The following CDH4 variants were observed in gnomAD, a reference collection of about 807,000 sequenced individuals.
CDH4 encodes the protein cadherin 4.
CDH4 carries 33 observed loss-of-function variants against 86.0 expected under a neutral mutation model. The ratio of observed to expected loss-of-function variants is 0.38; its 90% CI spans 0.29 to 0.51. The LOEUF is 0.51. CDH4 is among the 20% of genes least tolerant of loss of function. The pLI is 0.86. For synonymous variants in CDH4, 555 were observed against 549.4 expected (o/e 1.01, Z -0.14); for missense variants, 1,114 against 1,307.4 (o/e 0.85, Z 2.28).
chr20:61,833,896 G>A (rs1356859302), intron 4 of CDH4, among the ~76,000 whole-genome samples: 4 of 152,188 alleles, frequency 2.6e-5, no homozygotes, highest in African/African-American at 9.7e-5. Context: ...GTGAGGAGGC[G>A]CCCCCTCCTC....
At chr20:61,465,604 C>T (rs1305936736) in intron 2 of CDH4, among the ~76,000 whole-genome samples, 1 of 152,114 alleles carries the variant, frequency 6.6e-6, no homozygotes, top group African/African-American at 2.4e-5. Context: ...GGAATTGCAT[C>T]TTGGTGGACA....
chr20:61,574,722 G>C (rs1411643399), intron 2 of CDH4, among the ~76,000 whole-genome samples: 2 of 152,136 alleles, frequency 1.3e-5, no homozygotes, highest in Non-Finnish European at 2.9e-5. Context: ...TCCACAGGTT[G>C]GGGGAGTCAC....
rs1467451507 is a variant in CDH4, at chr20:61,910,455, A to G, written c.1222A>G (p.Thr408Ala). ...AGEVPENRVETVVANLTVMDR... is the reference protein window; with the variant it reads ...AGEVPENRVEAVVANLTVMDR... Reference sequence around the variant, plus strand: ...GGAGGTCCCCGAAAACCGCGTGGAGACCGTGGTCGCAAACCTCACGGTGAT... The same window carrying G: ...GGAGGTCCCCGAAAACCGCGTGGAGGCCGTGGTCGCAAACCTCACGGTGAT... The change falls in exon 9 of 16, where the codon ACC becomes GCC. Residue 408 changes from threonine (T) to alanine (A), a missense_variant. Coordinates refer to ENST00000614565, the MANE Select transcript of CDH4 (RefSeq NM_001794.5). 2 of 1,613,662 alleles carry G rather than the reference A, an allele frequency of 1.2e-6. No individual in the cohort carries two copies. The highest frequency in any genetic ancestry group is 1.7e-6 in the Non-Finnish European group (2 of 1,179,952).
rs755920635 is a variant in CDH4 at position 61,923,540 on chromosome 20, C to T, written c.1464C>T (p.Phe488=). The T allele has an allele frequency of 2.5e-6, 4 of 1,614,214 alleles. No homozygotes were observed. Among genetic ancestry groups the T allele is most frequent in the Non-Finnish European group, 3.4e-6 (4 of 1,180,046 alleles). The change falls in exon 10 of 16, where the codon TTC becomes TTT. Residue 488 remains phenylalanine (F), a synonymous_variant. Coordinates refer to ENST00000614565, the MANE Select transcript of CDH4 (RefSeq NM_001794.5). The stretch of plus-strand genomic sequence containing the variant: ...TGGCCAGCGGAATCCAGATGTCCTT[C>T]CAGTCCACGGCAGGGGTGACCATCT... ...APLASGIQMS[F]QSTAGVTISI... is the part of the protein sequence containing the mutation.
intron 2 of CDH4, among the ~76,000 whole-genome samples, chr20:61,565,297 G>GGT (rs2086278934): frequency 3.4e-5 from 2 of 58,172 alleles, no homozygotes; most frequent in African/African-American, 9.4e-5. Context: ...TGATGGTGGT[G>GGT]GCGGTGCTCT....
At chr20:61,481,582 C>G (rs1305028675) in intron 2 of CDH4, among the ~76,000 whole-genome samples, 2 of 152,230 alleles carry the variant, frequency 1.3e-5, no homozygotes, top group Admixed American at 1.3e-4. Context: ...CAGATACATA[C>G]AGTAAACATT....
At chr20:61,798,635 C>T (rs906493739) in intron 4 of CDH4, among the ~76,000 whole-genome samples, 1 of 152,228 alleles carries the variant, frequency 6.6e-6, no homozygotes, top group African/African-American at 2.4e-5. Context: ...CTCCTGGTGA[C>T]CAGTACTCAT....
chr20:61,843,456 C>CAAAAAAAA (rs869283452), intron 4 of CDH4, among the ~76,000 whole-genome samples: 4 of 58,834 alleles, frequency 6.8e-5, no homozygotes, highest in African/African-American at 1.5e-4. Context: ...GACTCCGTCT[C>CAAAAAAAA]AAAAAAAAAA....
rs901019822 is a variant in CDH4, at chr20:61,517,269, G to A, written c.170-226294G>A. On this transcript the variant is annotated intron_variant, in intron 2 of 15. Coordinates refer to ENST00000614565, the MANE Select transcript of CDH4 (RefSeq NM_001794.5). This position sits in a 1 kb window ranked among gnomAD's most constrained non-coding sequence, Gnocchi z 6.6. ...AGGCAGTGGCGCAGTCACAACCCAC[G>A]GCAGCCGCCAACTCCTGGGCTCAAG... Among the ~76,000 whole-genome samples the A allele has an allele frequency of 6.6e-6, 1 of 152,162 alleles. No individual in the cohort carries two copies. Among genetic ancestry groups the A allele is most frequent in the African/African-American group, 2.4e-5 (1 of 41,434 alleles).
At chr20:61,612,844 G>GCA (rs1162209777) in intron 2 of CDH4, among the ~76,000 whole-genome samples, 1 of 152,108 alleles carries the variant, frequency 6.6e-6, no homozygotes, top group Non-Finnish European at 1.5e-5. Flanking sequence ...GGTAGGGATT[G>GCA]CACACCTCTG....
chr20:61,801,388 C>T (rs1316143520), intron 4 of CDH4, among the ~76,000 whole-genome samples: 1 of 152,188 alleles, frequency 6.6e-6, no homozygotes, highest in Non-Finnish European at 1.5e-5. Context: ...CATGGACCCT[C>T]AGAGTTCTGA....
intron 7 of CDH4, among the ~76,000 whole-genome samples, chr20:61,890,298 G>GTGGA (rs892791720): frequency 2.0e-5 from 3 of 151,628 alleles, no homozygotes; most frequent in African/African-American, 4.9e-5. Flanking sequence ...TGATAGAAGG[G>GTGGA]TGGATGGATG....
At position 61,321,611 on chromosome 20, in the gene CDH4, C is replaced by T. The variant is rs975951955; in HGVS notation, c.169+66674C>T. Reference sequence around the variant, plus strand: ...TATGTGCTGACACCTTCCATGTAGACGTGCGGTGAGCGGAGGACTTCCGGC... The same window carrying T: ...TATGTGCTGACACCTTCCATGTAGATGTGCGGTGAGCGGAGGACTTCCGGC... On this transcript the variant is annotated intron_variant, in intron 2 of 15. Coordinates refer to ENST00000614565, the MANE Select transcript of CDH4 (RefSeq NM_001794.5). Among the ~76,000 whole-genome samples the T allele has an allele frequency of 3.3e-5, 5 of 152,154 alleles. No homozygotes were observed. The East Asian group carries it at 7.7e-4, about 23-fold the overall frequency.
At chr20:61,634,826 A>G (rs1032265949) in intron 2 of CDH4, among the ~76,000 whole-genome samples, 7 of 152,196 alleles carry the variant, frequency 4.6e-5, no homozygotes, top group Admixed American at 2.6e-4. Flanking sequence ...CCCTCCTGCC[A>G]GGCCCTGGCA....
intron 2 of CDH4, among the ~76,000 whole-genome samples, chr20:61,316,093 T>C (rs571973888): frequency 6.6e-6 from 1 of 152,312 alleles, no homozygotes; most frequent in Non-Finnish European, 1.5e-5. Flanking sequence ...GACTCAGTTT[T>C]CCTAATTCAC....
intron 11 of CDH4, among the ~76,000 whole-genome samples, chr20:61,927,144 A>G (rs187224504): frequency 1.0e-3 from 157 of 152,332 alleles, no homozygotes; most frequent in African/African-American, 3.6e-3. Flanking sequence ...CGTGGGATAC[A>G]TTTTTACATG....
At chr20:61,323,033 A>T (rs577129905) in intron 2 of CDH4, among the ~76,000 whole-genome samples, 14 of 152,300 alleles carry the variant, frequency 9.2e-5, no homozygotes, top group African/African-American at 3.4e-4. Context: ...TCCAGCCAGC[A>T]TCCAAGGGCC....
At position 61,703,486 on chromosome 20, in the gene CDH4, G is replaced by T. The variant is rs1360867735; in HGVS notation, c.170-40077G>T. On this transcript the variant is annotated intron_variant, in intron 2 of 15. Transcript: ENST00000614565. This position sits in a 1 kb window ranked among gnomAD's most constrained non-coding sequence, Gnocchi z 4.3. The stretch of plus-strand genomic sequence containing the variant: ...TTTGCAGAGTATTTAACCTAATATT[G>T]AAAAGACATCATTTGTCCCCACCAA... Among the ~76,000 whole-genome samples, 1 of 152,220 alleles carries T rather than the reference G, an allele frequency of 6.6e-6. No individual in the cohort carries two copies. Among genetic ancestry groups the T allele is most frequent in the Non-Finnish European group, 1.5e-5 (1 of 68,040 alleles).
intron 7 of CDH4, among the ~76,000 whole-genome samples, chr20:61,883,007 C>T (rs1984356494): frequency 6.6e-6 from 1 of 152,204 alleles, no homozygotes. Flanking sequence ...CCTGTTCAAA[C>T]ACCAATCTGA....
Sources: allele counts gnomAD v4.1 joint callset (sites outside exome capture counted in the v4.1 genomes callset), GRCh38; gene constraint gnomAD v4.1.1; non-coding constraint Gnocchi (gnomAD v3.1); transcripts MANE v1.5; gene names NCBI Gene and HGNC (gene_info 2026-07-23, HGNC 2026-07-21).